NCOA2: variants seen among roughly 807,000 people sequenced by gnomAD.
The protein encoded by NCOA2 is nuclear receptor coactivator 2.
In NCOA2, 21 loss-of-function variants were observed where a neutral mutation model predicts 145.1. The observed-to-expected ratio is 0.14, with a 90% CI of 0.10 to 0.21. NCOA2 has a LOEUF of 0.21. NCOA2 is among the 10% of genes least tolerant of loss of function. NCOA2 has a pLI of 1.00. For missense variants in NCOA2, 1,472 were observed against 1,837.6 expected, an observed-to-expected ratio of 0.80 and a Z score of 3.64; for synonymous variants, 619 against 637.5, an observed-to-expected ratio of 0.97 and a Z score of 0.44.
At chr8:70,321,494 A>G (rs752278413) in intron 1 of NCOA2, among the ~76,000 whole-genome samples, 3 of 152,092 alleles carry the variant, frequency 2.0e-5, no homozygotes, top group Admixed American at 1.3e-4. Context: ...TTTGTAACCC[A>G]TAAGTATGTA....
At chr8:70,150,744 T>C (rs951137447) in intron 11 of NCOA2, among the ~76,000 whole-genome samples, 34 of 152,320 alleles carry the variant, frequency 2.2e-4, no homozygotes, top group African/African-American at 7.7e-4. Flanking sequence ...AGTATAAACA[T>C]AGATTGTCCT....
At chr8:70,456,205 C>A in the NCOA2 span, among the ~76,000 whole-genome samples, 1 of 151,992 alleles carries the variant, frequency 6.6e-6, no homozygotes, top group Admixed American at 6.6e-5. Context: ...GGGATTTGGG[C>A]GAGATATGCT....
chr8:70,332,311 T>C (rs947989034), intron 1 of NCOA2, among the ~76,000 whole-genome samples: 1 of 152,206 alleles, frequency 6.6e-6, no homozygotes, highest in African/African-American at 2.4e-5. Context: ...TGAATTAAAA[T>C]GGCTACATTT....
chr8:70,207,937 T>C (rs1818633262), intron 4 of NCOA2, among the ~76,000 whole-genome samples: 1 of 149,584 alleles, frequency 6.7e-6, no homozygotes, highest in South Asian at 2.1e-4. Context: ...TAGTGCTACT[T>C]CAGCGAATGC....
intron 1 of NCOA2, among the ~76,000 whole-genome samples, chr8:70,360,517 T>C (rs1050818051): frequency 6.6e-6 from 1 of 152,222 alleles, no homozygotes; most frequent in African/African-American, 2.4e-5. Flanking sequence ...TTGGAAGATT[T>C]TATGTTCATG....
rs565308180 is a variant in NCOA2, at chr8:70,394,749, G to A, written c.-77+8951C>T. Among the ~76,000 whole-genome samples, 4 of 152,226 alleles carry A rather than the reference G, an allele frequency of 2.6e-5. No individual in the cohort carries two copies. In the South Asian group the frequency reaches 8.3e-4, roughly 32 times the overall value. ...TTTTCATGACATCTAACACTGTAGG[G>A]TTTATAACAATATCCTTAAACAGGG... is the stretch of plus-strand genomic sequence containing the variant. On this transcript the variant is annotated intron_variant, in intron 1 of 22. Transcript: ENST00000452400.
chr8:70,114,105 T>C (rs1366037234), intron 22 of NCOA2, among the ~76,000 whole-genome samples: 2 of 152,158 alleles, frequency 1.3e-5, no homozygotes, highest in African/African-American at 2.4e-5. Context: ...GCCCTCCTGA[T>C]TTTCCCTAAT....
At chr8:70,188,460 G>T (rs994075101) in intron 4 of NCOA2, among the ~76,000 whole-genome samples, 3 of 152,194 alleles carry the variant, frequency 2.0e-5, no homozygotes, top group Admixed American at 6.5e-5. Context: ...AAAATGCCCT[G>T]CTTCACAGGG....
intron 1 of NCOA2, among the ~76,000 whole-genome samples, chr8:70,310,611 T>C (rs908256318): frequency 6.6e-6 from 1 of 152,156 alleles, no homozygotes; most frequent in Non-Finnish European, 1.5e-5. Flanking sequence ...CACTTACAAA[T>C]GTACATAGTA....
intron 1 of NCOA2, among the ~76,000 whole-genome samples, chr8:70,310,198 T>C (rs1828208724): frequency 6.6e-6 from 1 of 150,862 alleles, no homozygotes; most frequent in Non-Finnish European, 1.5e-5. Context: ...AAAAATTAGC[T>C]AGGTATGGTG....
At chr8:70,343,129 A>G (rs1395235427) in intron 1 of NCOA2, among the ~76,000 whole-genome samples, 1 of 152,224 alleles carries the variant, frequency 6.6e-6, no homozygotes, top group Non-Finnish European at 1.5e-5. Context: ...TTGTAACTCC[A>G]TAGGTTAGTA....
chr8:70,133,329 T>TA (rs1235005568), intron 15 of NCOA2, among the ~76,000 whole-genome samples: 1 of 151,564 alleles, frequency 6.6e-6, no homozygotes, highest in Admixed American at 6.6e-5. Flanking sequence ...GGAATCCTTC[T>TA]ACCTCAGCCT....
the NCOA2 span, among the ~76,000 whole-genome samples, chr8:70,418,304 G>A: frequency 6.6e-6 from 1 of 152,190 alleles, no homozygotes; most frequent in African/African-American, 2.4e-5. Context: ...GATGCTTCAG[G>A]ATGGTGGGGA....
chr8:70,377,139 C>A (rs1299688583), intron 1 of NCOA2, among the ~76,000 whole-genome samples: 3 of 150,938 alleles, frequency 2.0e-5, no homozygotes, highest in Non-Finnish European at 4.4e-5. Context: ...ATTTGTAGGA[C>A]CTATTAATCA....
chr8:70,331,232 T>C (rs986739777), intron 1 of NCOA2, among the ~76,000 whole-genome samples: 2 of 152,134 alleles, frequency 1.3e-5, no homozygotes, highest in Non-Finnish European at 2.9e-5. Flanking sequence ...TTCTGGCACA[T>C]AGAAACAACA....
chr8:70,385,318 C>T (rs1033478068), intron 1 of NCOA2, among the ~76,000 whole-genome samples: 5 of 152,182 alleles, frequency 3.3e-5, no homozygotes, highest in African/African-American at 7.2e-5. Context: ...AAAATTGGGG[C>T]GCAAGGTCAC....
intron 21 of NCOA2, 151 bp downstream of exon 21, chr8:70,123,733 C>T (rs1009529738): frequency 1.9e-6 from 1 of 528,436 alleles, no homozygotes; most frequent in Non-Finnish European, 3.2e-6. Flanking sequence ...TTATTAATGT[C>T]ACTAACACAG....
At chr8:70,381,124 CA>C (rs916705019) in intron 1 of NCOA2, among the ~76,000 whole-genome samples, 2 of 150,960 alleles carry the variant, frequency 1.3e-5, no homozygotes, top group African/African-American at 2.4e-5. Flanking sequence ...GGACTTGCCT[CA>C]AAACAGATGG....
chr8:70,209,774 C>T (rs915753495), intron 4 of NCOA2, among the ~76,000 whole-genome samples: 3 of 152,180 alleles, frequency 2.0e-5, no homozygotes, highest in Non-Finnish European at 4.4e-5. Context: ...GACTACAGTA[C>T]AGTGAAGTAT....
Sources: gnomAD v4.1 joint callset for allele counts (sites outside exome capture counted in the v4.1 genomes callset) on GRCh38, gnomAD v4.1.1 for gene constraint, MANE v1.5 for transcripts, NCBI Gene and HGNC (gene_info 2026-07-23, HGNC 2026-07-21) for gene names.